The following FAN1 variants were observed in gnomAD, a reference collection of about 807,000 sequenced individuals.
FAN1 encodes the protein FANCD2 and FANCI associated nuclease 1, also known as fanconi-associated nuclease 1.
A neutral mutation model predicts 104.9 loss-of-function variants in FAN1; 91 were observed. The ratio of observed to expected loss-of-function variants is 0.87; its 90% CI spans 0.73 to 1.03. FAN1 has a LOEUF of 1.03. FAN1 is among the 50% of genes least tolerant of loss of function. The probability of loss-of-function intolerance (pLI) is 0.00; values close to 1 mark genes in which losing one functional copy is unlikely to be tolerated. For synonymous variants in FAN1, 478 were observed against 457.6 expected (o/e 1.04, Z -0.57); for missense variants, 1,263 against 1,239.9 (o/e 1.02, Z -0.28).
intron 7 of FAN1, among the ~76,000 whole-genome samples, chr15:30,921,825 TCCTG>T (rs1329532102): frequency 6.6e-5 from 10 of 152,226 alleles, no homozygotes; most frequent in Non-Finnish European, 1.0e-4. Flanking sequence ...CTCATTACTT[TCCTG>T]CCCACCCCAA....
chr15:30,935,817 A>G (rs140576395), intron 13 of FAN1, among the ~76,000 whole-genome samples: 1 of 152,312 alleles, frequency 6.6e-6, no homozygotes, highest in Non-Finnish European at 1.5e-5. Flanking sequence ...TCTAACTAGC[A>G]TGGTTTCCAA....
intron 10 of FAN1, chr15:30,927,976 C>T: frequency 1.0e-6 from 1 of 985,772 alleles, no homozygotes; most frequent in Non-Finnish European, 1.2e-6. Context: ...TCTTTAAGGC[C>T]AGATGTCTCT....
intron 4 of FAN1, chr15:30,911,712 TTAAG>T: frequency 1.1e-6 from 1 of 916,250 alleles, no homozygotes; most frequent in Non-Finnish European, 1.3e-6. Flanking sequence ...ATTGTATTTC[TTAAG>T]TATTTGATGT....
intron 10 of FAN1, 29 bp downstream of exon 10, chr15:30,925,968 C>T (rs2062452355): frequency 1.9e-6 from 3 of 1,611,844 alleles, no homozygotes; most frequent in Admixed American, 1.7e-5. Flanking sequence ...TCTTGTGGCA[C>T]CCAGCCCCGG....
intron 6 of FAN1, among the ~76,000 whole-genome samples, chr15:30,919,027 T>G (rs762091901): frequency 6.6e-6 from 1 of 152,218 alleles, no homozygotes; most frequent in Non-Finnish European, 1.5e-5. Flanking sequence ...ATATGTTATA[T>G]GCATTATATG....
intron 14 of FAN1, chr15:30,941,212 C>T (rs1044291547): frequency 1.4e-6 from 2 of 1,382,002 alleles, no homozygotes; most frequent in Non-Finnish European, 1.9e-6. Flanking sequence ...AAAAATGTAG[C>T]AGACAACATG....
chr15:30,917,680 T>C (rs990499235), intron 5 of FAN1, among the ~76,000 whole-genome samples: 2 of 152,244 alleles, frequency 1.3e-5, no homozygotes, highest in African/African-American at 4.8e-5. Flanking sequence ...ATTTCAGCGT[T>C]GCCATCTCCC....
At chr15:30,929,974 T>C (rs1463496089) in intron 12 of FAN1, among the ~76,000 whole-genome samples, 2 of 125,572 alleles carry the variant, frequency 1.6e-5, no homozygotes, top group African/African-American at 6.6e-5. Flanking sequence ...ATATATAAAA[T>C]ATATAATATA....
intron 13 of FAN1, among the ~76,000 whole-genome samples, chr15:30,933,326 T>C (rs2062764132): frequency 6.6e-6 from 1 of 152,244 alleles, no homozygotes; most frequent in South Asian, 2.1e-4. Context: ...GTTGTTTTCA[T>C]TTTCATTCAG....
At chr15:30,904,378 G>A (rs2061920584) in intron 1 of FAN1, 134 bp from the exon 2 acceptor site, 5 of 525,344 alleles carry the variant, frequency 9.5e-6, no homozygotes, top group East Asian at 7.0e-5. Flanking sequence ...TGTCGGAGGG[G>A]CTTGGTCTTC....
Position 30,918,047 on chromosome 15 carries a change from C to T in FAN1, c.1812-117C>T, listed in dbSNP as rs2062231251. 3 of 961,580 alleles carry T rather than the reference C, an allele frequency of 3.1e-6. No homozygotes were observed. In the East Asian group the frequency reaches 7.3e-5, roughly 23 times the overall value. 59.6% of individuals were successfully genotyped at this position (961,580 alleles called of 1,614,324 possible). On this transcript the variant is annotated intron_variant, in intron 5 of 14. Transcript: ENST00000362065. The stretch of plus-strand genomic sequence containing the variant: ...TATTATTAGAATAAAATTTAAGTGG[C>T]CCTCATATTTTAAAAAACACACTTT...
chr15:30,917,259 G>A (rs916239651), intron 5 of FAN1, among the ~76,000 whole-genome samples: 9 of 152,160 alleles, frequency 5.9e-5, no homozygotes, highest in African/African-American at 2.2e-4. Flanking sequence ...AGGCGTCAGT[G>A]TGTGGGGTGC....
rs138313585 is a variant in FAN1, at chr15:30,926,860, G to A, written c.2488+921G>A. The A allele has an allele frequency of 3.3e-4, 330 of 985,382 alleles. 1 individual carries two copies. The East Asian group carries it at 4.2e-3, about 13-fold the overall frequency. The allele number at this position is 985,382 out of a possible 1,614,324, so 61.0% of individuals were successfully genotyped here. On this transcript the variant is annotated intron_variant, in intron 10 of 14. Transcript: ENST00000362065. ...AAACTATTTTTCCCTGATTAAAATC[G>A]ATGCCGTGAAACTGGGCTGAACTCT...
chr15:30,922,270 G>C lies in FAN1; in HGVS notation c.2088G>C (p.Gln696His), dbSNP rs574197731. The C allele has an allele frequency of 2.4e-5, 39 of 1,613,482 alleles. No homozygotes were observed. The South Asian group carries it at 3.9e-4, about 16-fold the overall frequency. ...GAGAACTTGAAAGCCTTTTGTCTCA[G>C]AGAATTTATTGTCCTGACAGCAGAG... ...AVRELESLLS[Q>H]RIYCPDSRGR... Residue 696 changes from glutamine to histidine, a missense_variant, in exon 8 of 15, where the codon CAG becomes CAC. Physicochemically the swap from Gln to His is conservative, Grantham distance 24. Around this residue, in one of 2 missense-constraint regions of FAN1, gnomAD observed 581 missense variants for 668.8 expected, o/e 0.87. Transcript: ENST00000362065.
rs534043131 is a variant in FAN1, at chr15:30,929,939, TATATA to T, written c.2787+553_2787+557del. Among the ~76,000 whole-genome samples the T allele has an allele frequency of 1.7e-3, 172 of 98,746 alleles. 7 individuals carry two copies. The highest frequency in any genetic ancestry group is 6.7e-3 in the South Asian group (24 of 3,592). 64.8% of individuals were successfully genotyped at this position (98,746 alleles called of 152,430 possible). On this transcript the variant is annotated intron_variant, in intron 12 of 14. Transcript: ENST00000362065. ...TATATATCATATATAATATATAAAA[TATATA>T]ATATAATATATATCATATAATATAT...
At chr15:30,919,692 GAA>G (rs57795513) in intron 6 of FAN1, among the ~76,000 whole-genome samples, 11 of 129,350 alleles carry the variant, frequency 8.5e-5, no homozygotes, top group East Asian at 2.2e-4. Context: ...CTGTCTCGGG[GAA>G]AAAAAAAAAA....
At chr15:30,940,587 G>C in intron 14 of FAN1, 1 of 985,386 alleles carries the variant, frequency 1.0e-6, no homozygotes, top group Non-Finnish European at 1.2e-6. Flanking sequence ...GTTTGTTTTT[G>C]AGGGCGAGTT....
At chr15:30,909,834 T>TC (rs537579621) in intron 3 of FAN1, among the ~76,000 whole-genome samples, 23 of 152,244 alleles carry the variant, frequency 1.5e-4, no homozygotes, top group Non-Finnish European at 2.4e-4. Context: ...TGTTACCTTG[T>TC]CAAAGGTTTG....
At chr15:30,919,762 T>C (rs888372351) in intron 6 of FAN1, among the ~76,000 whole-genome samples, 29 of 151,058 alleles carry the variant, frequency 1.9e-4, no homozygotes, top group Non-Finnish European at 3.2e-4. Flanking sequence ...TGGAAGTGGA[T>C]CATCATGAAG....
Sources: gnomAD v4.1 joint callset for allele counts (sites outside exome capture counted in the v4.1 genomes callset) on GRCh38, gnomAD v4.1.1 for gene constraint, gnomAD v4.1.1 regional missense constraint, MANE v1.5 for transcripts, NCBI Gene and HGNC (gene_info 2026-07-23, HGNC 2026-07-21) for gene names.